MRTFA: variants seen among roughly 807,000 people sequenced by gnomAD.
MRTFA encodes the protein myocardin related transcription factor A.
Under a neutral mutation model 83.5 loss-of-function variants are expected in MRTFA, and 20 were observed. The observed-to-expected ratio is 0.24, with a 90% CI of 0.17 to 0.35. The LOEUF is 0.35. Among genes scored for constraint, MRTFA ranks in the 10% least tolerant of loss-of-function variants. The pLI is 1.00. For synonymous variants in MRTFA, 659 were observed against 541.2 expected, an observed-to-expected ratio of 1.22 and a Z score of -3.02; for missense variants, 1,200 against 1,224.7, an observed-to-expected ratio of 0.98 and a Z score of 0.30.
At position 40,420,918 on chromosome 22, in the gene MRTFA, G is replaced by C; in HGVS notation, c.1110C>G (p.Leu370=). 1.2e-6 allele frequency: 2 copies of C among 1,614,196 alleles called. No individual in the cohort carries two copies. Among genetic ancestry groups the C allele is most frequent in the Non-Finnish European group, 1.7e-6 (2 of 1,180,006 alleles). ...GCTGCTGGTTGAGGATCTGCAGCTGGAGGAAGAGCTGCTGCTGCTGCAGGA... is the reference window on the plus strand; with the variant it reads ...GCTGCTGGTTGAGGATCTGCAGCTGCAGGAAGAGCTGCTGCTGCTGCAGGA... Residue 370 remains leucine, a synonymous_variant, in exon 10 of 15, where the codon CTC becomes CTG. Coordinates refer to ENST00000355630, the MANE Select transcript of MRTFA (RefSeq NM_020831.6).
At chr22:40,467,395 A>C (rs1425724887) in intron 3 of MRTFA, among the ~76,000 whole-genome samples, 1 of 152,172 alleles carries the variant, frequency 6.6e-6, no homozygotes, top group African/African-American at 2.4e-5. Context: ...AAGACTTCCA[A>C]CTACAAAGAA....
At chr22:40,636,024 G>T (rs1009521499) in intron 1 of MRTFA, among the ~76,000 whole-genome samples, 1 of 152,194 alleles carries the variant, frequency 6.6e-6, no homozygotes, top group Non-Finnish European at 1.5e-5. Context: ...CAGCATTCAG[G>T]TTTGCTATAC....
chr22:40,523,445 G>C (rs963931271), intron 3 of MRTFA: 3 of 152,272 alleles, frequency 2.0e-5, no homozygotes, highest in African/African-American at 7.2e-5. Context: ...ATTCAAGTGA[G>C]CCTCCCACTT....
chr22:40,578,985 A>G (rs935147841), intron 2 of MRTFA, among the ~76,000 whole-genome samples: 4 of 152,156 alleles, frequency 2.6e-5, no homozygotes, highest in African/African-American at 9.6e-5. Flanking sequence ...GTGCATGCCC[A>G]TAATCTCAGC....
intron 1 of MRTFA, among the ~76,000 whole-genome samples, chr22:40,604,079 C>A (rs940177763): frequency 2.0e-5 from 3 of 150,842 alleles, no homozygotes; most frequent in Non-Finnish European, 4.4e-5. Context: ...CAAAGTGATT[C>A]TTGGAACCAG....
intron 3 of MRTFA, chr22:40,533,686 A>C (rs1295870959): frequency 9.0e-7 from 1 of 1,116,008 alleles, no homozygotes; most frequent in East Asian, 3.2e-5. Flanking sequence ...AGAAAGTCAA[A>C]GTCACAGGAG....
At chr22:40,477,852 CAAAA>C (rs2054023901) in intron 3 of MRTFA, among the ~76,000 whole-genome samples, 3 of 151,644 alleles carry the variant, frequency 2.0e-5, no homozygotes, top group African/African-American at 7.3e-5. Context: ...AAAGGGGAAA[CAAAA>C]AGAAAGGGAA....
intron 3 of MRTFA, among the ~76,000 whole-genome samples, chr22:40,541,662 G>A (rs528886785): frequency 6.6e-6 from 1 of 152,172 alleles, no homozygotes; most frequent in East Asian, 1.9e-4. Context: ...GTGTGTGTGT[G>A]TGTATTTTCT....
chr22:40,429,872 T>G (rs1290678986), intron 6 of MRTFA, 105 bp from the exon 7 acceptor site: 3 of 1,191,174 alleles, frequency 2.5e-6, no homozygotes, highest in African/African-American at 3.1e-5. Context: ...GAGGAGTGAC[T>G]GTCAGAACGG....
chr22:40,545,083 C>A (rs1379326598), intron 3 of MRTFA, among the ~76,000 whole-genome samples: 3 of 151,708 alleles, frequency 2.0e-5, no homozygotes, highest in Middle Eastern at 6.8e-3. Context: ...AAATCACTTT[C>A]CATTATGATA....
At chr22:40,480,271 TTTA>T (rs1429811602) in intron 3 of MRTFA, among the ~76,000 whole-genome samples, 1 of 151,296 alleles carries the variant, frequency 6.6e-6, no homozygotes, top group African/African-American at 2.5e-5. Flanking sequence ...TCTCTGTATG[TTTA>T]TTTTTTTTTT....
At chr22:40,626,317 T>G (rs2056581287) in intron 1 of MRTFA, among the ~76,000 whole-genome samples, 1 of 152,072 alleles carries the variant, frequency 6.6e-6, no homozygotes, top group South Asian at 2.1e-4. Flanking sequence ...AGATGAGGTC[T>G]GGCTCTGTCA....
intron 2 of MRTFA, among the ~76,000 whole-genome samples, chr22:40,584,581 G>A (rs1299104557): frequency 6.6e-6 from 1 of 151,806 alleles, no homozygotes; most frequent in East Asian, 1.9e-4. Context: ...TACTAAAAAT[G>A]CAAAATTAGC....
At chr22:40,495,816 T>C (rs1317247289) in intron 3 of MRTFA, among the ~76,000 whole-genome samples, 1 of 145,502 alleles carries the variant, frequency 6.9e-6, no homozygotes, top group African/African-American at 2.6e-5. Flanking sequence ...ATGCCTGTAA[T>C]CCAGCACTTG....
rs951581369 is a variant in MRTFA at position 40,410,759 on chromosome 22, T to TGCAC, written c.*627_*630dup. 2.1e-5 allele frequency: 5 copies of TGCAC among 232,858 alleles called. No homozygotes were observed. The highest frequency in any genetic ancestry group is 1.1e-4 in the African/African-American group (5 of 45,224). The allele number at this position is 232,858 out of a possible 1,614,324, so 14.4% of individuals were successfully genotyped here. A position where few individuals can be genotyped will look rare whatever the true frequency, so the allele number is the denominator to read the frequency against. Reference sequence around the variant, plus strand: ...CTGTGAGAGTAGGATGGGAGGGAGTTGCACCCATCTCCTGTCCGCCCCCCC... The same window carrying TGCAC: ...CTGTGAGAGTAGGATGGGAGGGAGTTGCACGCACCCATCTCCTGTCCGCCCCCCC... On this transcript the variant is annotated 3_prime_UTR_variant, in exon 15 of 15. Coordinates refer to ENST00000355630, the MANE Select transcript of MRTFA (RefSeq NM_020831.6).
At chr22:40,565,502 G>A (rs577686141) in intron 2 of MRTFA, among the ~76,000 whole-genome samples, 2 of 152,064 alleles carry the variant, frequency 1.3e-5, no homozygotes, top group African/African-American at 2.4e-5. Flanking sequence ...AGCCAAGATC[G>A]CACCACTGCA....
intron 4 of MRTFA, among the ~76,000 whole-genome samples, chr22:40,435,936 C>CA (rs201938817): frequency 0.069 from 7,383 of 106,716 alleles, 214 homozygotes; most frequent in Middle Eastern, 0.16. Context: ...AACCGTCCCC[C>CA]AAAAAAAAAA....
At chr22:40,568,601 A>G (rs190447636) in intron 2 of MRTFA, among the ~76,000 whole-genome samples, 5 of 152,376 alleles carry the variant, frequency 3.3e-5, no homozygotes, top group Non-Finnish European at 7.3e-5. Flanking sequence ...TACCATTTTA[A>G]GCCCAGCACA....
chr22:40,558,283 T>A (rs1182591678), intron 2 of MRTFA, among the ~76,000 whole-genome samples: 1 of 95,506 alleles, frequency 1.0e-5, no homozygotes, highest in Admixed American at 1.3e-4. Context: ...TTGCAAGGGG[T>A]TGGGGAGATA....
Sources: gnomAD v4.1 joint callset for allele counts (sites outside exome capture counted in the v4.1 genomes callset) on GRCh38, gnomAD v4.1.1 for gene constraint, MANE v1.5 for transcripts, NCBI Gene and HGNC (gene_info 2026-07-23, HGNC 2026-07-21) for gene names.